The following ATF6 variants were observed in gnomAD, a reference collection of about 807,000 sequenced individuals.
ATF6 encodes the protein activating transcription factor 6.
A neutral mutation model predicts 83.6 loss-of-function variants in ATF6; 53 were observed. The ratio of observed to expected loss-of-function variants is 0.63; its 90% CI spans 0.51 to 0.80. ATF6 has a LOEUF of 0.80. ATF6 is among the 30% of genes least tolerant of loss of function. The pLI is 0.00. For missense variants in ATF6, 744 were observed against 797.9 expected, an observed-to-expected ratio of 0.93 and a Z score of 0.81; for synonymous variants, 288 against 285.8, an observed-to-expected ratio of 1.01 and a Z score of -0.08.
chr1:161,867,164 G>A lies in ATF6; in HGVS notation c.1719+3852G>A, dbSNP rs1166070442. 5.9e-5 allele frequency among the ~76,000 whole-genome samples: 9 copies of A among 152,146 alleles called. No individual in the cohort carries two copies. In the East Asian group the frequency reaches 1.7e-3, roughly 29 times the overall value. ...AAAAAAATTAGCCGGGCGTGGTGGT[G>A]GGCACCTGTAGTCCCAGCTACTCAG... is the stretch of plus-strand genomic sequence containing the variant. On this transcript the variant is annotated intron_variant, in intron 14 of 15. Coordinates refer to ENST00000367942, the MANE Select transcript of ATF6 (RefSeq NM_007348.4).
chr1:161,794,067 C>T (rs1684950144), intron 6 of ATF6, among the ~76,000 whole-genome samples: 1 of 151,920 alleles, frequency 6.6e-6, no homozygotes, highest in Non-Finnish European at 1.5e-5. Context: ...CCACCATGCC[C>T]AGCTAATTTT....
At chr1:161,936,231 G>T (rs1198821011) in intron 15 of ATF6, among the ~76,000 whole-genome samples, 1 of 152,184 alleles carries the variant, frequency 6.6e-6, no homozygotes, top group Non-Finnish European at 1.5e-5. Context: ...AATTTGAGGA[G>T]CAGTTATATT....
chr1:161,819,557 A>G, intron 7 of ATF6, 76 bp from the exon 8 acceptor site: 1 of 1,172,158 alleles, frequency 8.5e-7, no homozygotes, highest in Non-Finnish European at 1.1e-6. Context: ...AAATAATTGT[A>G]AAAATGAGTA....
At chr1:161,904,407 G>A (rs570465199) in intron 14 of ATF6, among the ~76,000 whole-genome samples, 9 of 152,194 alleles carry the variant, frequency 5.9e-5, no homozygotes, top group African/African-American at 2.2e-4. Flanking sequence ...GGCCAACATA[G>A]CGAAGCACTG....
chr1:161,790,421 A>G (rs1323531700), intron 4 of ATF6, among the ~76,000 whole-genome samples: 5 of 152,214 alleles, frequency 3.3e-5, no homozygotes, highest in Admixed American at 6.5e-5. Flanking sequence ...TAACAAAATG[A>G]GATAGATTCA....
chr1:161,770,524 A>C (rs1684359300), intron 1 of ATF6, among the ~76,000 whole-genome samples: 2 of 152,142 alleles, frequency 1.3e-5, no homozygotes, highest in Admixed American at 1.3e-4. Context: ...CTCACATGGC[A>C]CTGAGAGAGA....
rs529442224 is a variant in ATF6, at chr1:161,858,199, G to A, written c.1534-2008G>A. Among the ~76,000 whole-genome samples, 4 of 152,134 alleles carry A rather than the reference G, an allele frequency of 2.6e-5. No individual in the cohort carries two copies. In the South Asian group the frequency reaches 8.3e-4, roughly 32 times the overall value. On this transcript the variant is annotated intron_variant, in intron 12 of 15. Transcript: ENST00000367942. ...ATGCAGTTCAGTGAAAAGAAGACAG[G>A]AAAAGAGAAACACATAAAGAACAAA...
rs1171261198 is a variant in ATF6 at position 161,963,823 on chromosome 1, G to C, written c.*5169G>C. ...AGTCCAGTAGGGCTTCATCCATGGAGCCATTAGAACTGAGGGGGGAGTGTT... is the reference window on the plus strand; with the variant it reads ...AGTCCAGTAGGGCTTCATCCATGGACCCATTAGAACTGAGGGGGGAGTGTT... On this transcript the variant is annotated 3_prime_UTR_variant, in exon 16 of 16. Transcript: ENST00000367942. The C allele has an allele frequency of 5.3e-5, 8 of 152,178 alleles. No homozygotes were observed. The highest frequency in any genetic ancestry group is 1.7e-4 in the African/African-American group (7 of 41,434). 9.4% of individuals were successfully genotyped at this position (152,178 alleles called of 1,614,324 possible). A position where few individuals can be genotyped will look rare whatever the true frequency, so the allele number is the denominator to read the frequency against.
chr1:161,808,134 C>T lies in ATF6; in HGVS notation c.909+5862C>T, dbSNP rs148952457. On this transcript the variant is annotated intron_variant, in intron 7 of 15. Coordinates refer to ENST00000367942, the MANE Select transcript of ATF6 (RefSeq NM_007348.4). ...GCCTCAAGTGATCCACCTGCCTCGG[C>T]CTCCCAAAGTGCTGGGATTATAGGC... is the stretch of plus-strand genomic sequence containing the variant. Among the ~76,000 whole-genome samples, 330 of 152,144 alleles carry T rather than the reference C, an allele frequency of 2.2e-3. 3 individuals carry two copies. The highest frequency in any genetic ancestry group is 0.014 in the Middle Eastern group (4 of 294).
intron 6 of ATF6, among the ~76,000 whole-genome samples, chr1:161,801,123 G>A (rs1685133687): frequency 6.6e-6 from 1 of 151,938 alleles, no homozygotes; most frequent in Non-Finnish European, 1.5e-5. Flanking sequence ...GGAGCATTTT[G>A]GATTTTGGGT....
chr1:161,848,576 C>T (rs900126815), intron 10 of ATF6, among the ~76,000 whole-genome samples: 1 of 151,968 alleles, frequency 6.6e-6, no homozygotes, highest in Non-Finnish European at 1.5e-5. Flanking sequence ...TTCTATCAAA[C>T]TGGGACACTC....
At chr1:161,867,716 T>A (rs1414072397) in intron 14 of ATF6, among the ~76,000 whole-genome samples, 1 of 152,230 alleles carries the variant, frequency 6.6e-6, no homozygotes, top group Non-Finnish European at 1.5e-5. Flanking sequence ...TTCTATTACA[T>A]TTTCTGTTTT....
At chr1:161,839,837 A>C (rs1686312109) in intron 9 of ATF6, among the ~76,000 whole-genome samples, 1 of 152,200 alleles carries the variant, frequency 6.6e-6, no homozygotes, top group Admixed American at 6.5e-5. Flanking sequence ...TTGCATGTTC[A>C]AGGAAAAACA....
chr1:161,858,047 C>T (rs1015776732), intron 12 of ATF6, among the ~76,000 whole-genome samples: 2 of 151,948 alleles, frequency 1.3e-5, no homozygotes, highest in Non-Finnish European at 2.9e-5. Context: ...TGAGAAGCTG[C>T]GGTGAGCTGT....
chr1:161,896,099 T>C (rs1348984183), intron 14 of ATF6, among the ~76,000 whole-genome samples: 2 of 152,186 alleles, frequency 1.3e-5, no homozygotes, highest in East Asian at 3.8e-4. Flanking sequence ...AATACATCCG[T>C]CTATCTATCC....
chr1:161,840,840 C>T (rs532302254), intron 9 of ATF6, among the ~76,000 whole-genome samples: 6 of 152,262 alleles, frequency 3.9e-5, no homozygotes, highest in African/African-American at 1.2e-4. Flanking sequence ...TTTGGACTAG[C>T]ATGTTTCTGA....
At chr1:161,818,577 A>G (rs1286209722) in intron 7 of ATF6, among the ~76,000 whole-genome samples, 3 of 152,228 alleles carry the variant, frequency 2.0e-5, no homozygotes, top group Non-Finnish European at 4.4e-5. Flanking sequence ...GTTCAGAGAA[A>G]ATAAAAAATC....
chr1:161,834,430 G>A lies in ATF6; in HGVS notation c.1188-12019G>A, dbSNP rs186140394. On this transcript the variant is annotated intron_variant, in intron 9 of 15. Transcript: ENST00000367942. ...AGAAAATGTGACACATATACACCAT[G>A]GAATACTATGCAGCCATAAAAAAGA... Among the ~76,000 whole-genome samples, 430 of 152,104 alleles carry A rather than the reference G, an allele frequency of 2.8e-3. 2 individuals are homozygous for A. The highest frequency in any genetic ancestry group is 0.01 in the African/African-American group (423 of 41,490).
chr1:161,929,178 A>G (rs1041798501), intron 15 of ATF6, among the ~76,000 whole-genome samples: 2 of 152,194 alleles, frequency 1.3e-5, no homozygotes, highest in African/African-American at 4.8e-5. Flanking sequence ...CTGTGTATCA[A>G]TCAGTTTTCT....
Sources: gnomAD v4.1 joint callset for allele counts (sites outside exome capture counted in the v4.1 genomes callset) on GRCh38, gnomAD v4.1.1 for gene constraint, MANE v1.5 for transcripts, NCBI Gene and HGNC (gene_info 2026-07-23, HGNC 2026-07-21) for gene names.